Variants in KIRREL3 observed in about 807,000 individuals in gnomAD.
KIRREL3 encodes kin of IRRE-like protein 3.
A neutral mutation model predicts 89.7 loss-of-function variants in KIRREL3; 36 were observed. The observed-to-expected ratio is 0.40, with a 90% CI of 0.31 to 0.53. The LOEUF is 0.53. KIRREL3 is among the 20% of genes least tolerant of loss of function. KIRREL3 has a pLI of 0.49. For synonymous variants in KIRREL3, 445 were observed against 441.4 expected, an observed-to-expected ratio of 1.01 and a Z score of -0.10; for missense variants, 864 against 1,056.6, an observed-to-expected ratio of 0.82 and a Z score of 2.53.
chr11:126,852,933 T>A (rs371288010), intron 1 of KIRREL3, among the ~76,000 whole-genome samples: 1 of 152,288 alleles, frequency 6.6e-6, no homozygotes, highest in African/African-American at 2.4e-5. Context: ...GAGCAGAAGC[T>A]CTTTCTGTGT....
chr11:126,850,691 C>A (rs571268827), intron 1 of KIRREL3, among the ~76,000 whole-genome samples: 64 of 152,266 alleles, frequency 4.2e-4, no homozygotes, highest in Non-Finnish European at 7.8e-4. Context: ...CAAAAGGCAG[C>A]GTTCCAGCCA....
intron 3 of KIRREL3, among the ~76,000 whole-genome samples, chr11:126,524,954 A>G (rs1334167639): frequency 6.6e-6 from 1 of 152,214 alleles, no homozygotes; most frequent in Non-Finnish European, 1.5e-5. Context: ...TTTTATCAGG[A>G]GTTTGAGGTC....
intron 1 of KIRREL3, among the ~76,000 whole-genome samples, chr11:126,895,052 G>T (rs899941127): frequency 6.6e-6 from 1 of 152,150 alleles, no homozygotes; most frequent in African/African-American, 2.4e-5. Context: ...GAAAGACCGG[G>T]CTTTAAAACA....
Position 127,000,627 on chromosome 11 carries a change from T to C in KIRREL3, c.-118A>G. 1 of 1,038,096 alleles carries C rather than the reference T, an allele frequency of 9.6e-7. No individual in the cohort carries two copies. Among genetic ancestry groups the C allele is most frequent in the Non-Finnish European group, 1.4e-6 (1 of 703,842 alleles). 64.3% of individuals were successfully genotyped at this position (1,038,096 alleles called of 1,614,324 possible). ...CTCTCGGGTTCGCGCCTACCATCTG[T>C]CCGTCCGTGGGTCCCTCCGGGTGGC... On this transcript the variant is annotated 5_prime_UTR_variant, in exon 1 of 17. Coordinates refer to ENST00000525144, the MANE Select transcript of KIRREL3 (RefSeq NM_032531.4). The surrounding 1 kb of genome is among the most constrained non-coding windows in gnomAD (Gnocchi z 7.1).
intron 1 of KIRREL3, among the ~76,000 whole-genome samples, chr11:126,726,947 C>T (rs1948409539): frequency 6.6e-6 from 1 of 152,236 alleles, no homozygotes. Flanking sequence ...CTCACTCACA[C>T]AGGGAGGTCA....
At chr11:126,536,416 T>C (rs978536639) in intron 2 of KIRREL3, among the ~76,000 whole-genome samples, 8 of 152,134 alleles carry the variant, frequency 5.3e-5, no homozygotes, top group Non-Finnish European at 1.0e-4. Flanking sequence ...ATTCTGGAAC[T>C]CCACTGTCCC....
At chr11:126,799,328 CTGTG>C (rs1292463108) in intron 1 of KIRREL3, among the ~76,000 whole-genome samples, 2 of 101,690 alleles carry the variant, frequency 2.0e-5, no homozygotes, top group East Asian at 3.3e-4. Flanking sequence ...CTATGTGTAT[CTGTG>C]TGTGTGCATG....
Position 126,562,731 on chromosome 11 carries a change from G to A in KIRREL3, c.133+104C>T, listed in dbSNP as rs1940219818. On this transcript the variant is annotated intron_variant, in intron 2 of 16. Transcript: ENST00000525144. The surrounding 1 kb of genome is among the most constrained non-coding windows in gnomAD (Gnocchi z 4.7). ...ACTGGTCTTCCCACTGTCCCCTTCT[G>A]AGAGGTCCCAGGTTCTTATTCCTGG... 5 of 920,136 alleles carry A rather than the reference G, an allele frequency of 5.4e-6. No homozygotes were observed. The highest frequency in any genetic ancestry group is 5.2e-6 in the Non-Finnish European group (3 of 580,424). 57.0% of individuals were successfully genotyped at this position (920,136 alleles called of 1,614,324 possible).
intron 1 of KIRREL3, among the ~76,000 whole-genome samples, chr11:126,760,004 A>G (rs575882192): frequency 1.3e-5 from 2 of 152,356 alleles, no homozygotes; most frequent in East Asian, 1.9e-4. Context: ...CTACACAGAC[A>G]GAAAGACCTC....
Position 126,876,782 on chromosome 11 carries a change from G to T in KIRREL3, c.55+123673C>A, listed in dbSNP as rs563548547. The stretch of plus-strand genomic sequence containing the variant: ...TTTGAACTCATGACCTGATCTGCCC[G>T]CCTCAGCCTCCCGAAGTGCTAGGAT... On this transcript the variant is annotated intron_variant, in intron 1 of 16. Coordinates refer to ENST00000525144, the MANE Select transcript of KIRREL3 (RefSeq NM_032531.4). This position sits in a 1 kb window ranked among gnomAD's most constrained non-coding sequence, Gnocchi z 4.1. Among the ~76,000 whole-genome samples the T allele has an allele frequency of 1.3e-5, 2 of 152,072 alleles. No individual in the cohort carries two copies. The highest frequency in any genetic ancestry group is 6.5e-5 in the Admixed American group (1 of 15,270).
In KIRREL3 at chr11:126,983,840, C is replaced by T. The variant is rs1266931822; in HGVS notation, c.55+16615G>A. Among the ~76,000 whole-genome samples the T allele has an allele frequency of 2.0e-5, 3 of 152,170 alleles. No homozygotes were observed. Among genetic ancestry groups the T allele is most frequent in the Non-Finnish European group, 4.4e-5 (3 of 68,040 alleles). On this transcript the variant is annotated intron_variant, in intron 1 of 16. Transcript: ENST00000525144. The surrounding 1 kb of genome is among the most constrained non-coding windows in gnomAD (Gnocchi z 4.9). ...TAACAGCAGCACTGGGAAACAAATACACTCCATACATAGCCTTTCTCAACT... is the reference window on the plus strand; with the variant it reads ...TAACAGCAGCACTGGGAAACAAATATACTCCATACATAGCCTTTCTCAACT...
intron 1 of KIRREL3, among the ~76,000 whole-genome samples, chr11:126,798,351 G>T (rs1436442142): frequency 9.2e-6 from 1 of 108,910 alleles, no homozygotes; most frequent in African/African-American, 3.7e-5. Context: ...GATGTTCAGG[G>T]TGCCTCCTGT....
chr11:126,548,414 C>A (rs1938989506), intron 2 of KIRREL3, among the ~76,000 whole-genome samples: 1 of 152,180 alleles, frequency 6.6e-6, no homozygotes, highest in Non-Finnish European at 1.5e-5. Flanking sequence ...GGAGACAACA[C>A]CCTCACCCAG....
chr11:126,574,649 G>A lies in KIRREL3; in HGVS notation c.56-11737C>T, dbSNP rs1565563452. On this transcript the variant is annotated intron_variant, in intron 1 of 16. Transcript: ENST00000525144. The surrounding 1 kb of genome is among the most constrained non-coding windows in gnomAD (Gnocchi z 5.3). ...AATCTAGCAGCCCCACCAGAGCAAA[G>A]GACGAGGGTGGCTGGGATAGTGTGT... Among the ~76,000 whole-genome samples, 1 of 152,182 alleles carries A rather than the reference G, an allele frequency of 6.6e-6. No individual in the cohort carries two copies. The highest frequency in any genetic ancestry group is 1.5e-5 in the Non-Finnish European group (1 of 68,040).
rs543555057 is a variant in KIRREL3 at position 126,642,307 on chromosome 11, C to A, written c.56-79395G>T. On this transcript the variant is annotated intron_variant, in intron 1 of 16. Coordinates refer to ENST00000525144, the MANE Select transcript of KIRREL3 (RefSeq NM_032531.4). This position sits in a 1 kb window ranked among gnomAD's most constrained non-coding sequence, Gnocchi z 4.9. ...TGAGACCAGCAAGAGGCTCTGTTTG[C>A]GCCAAGTCTCCCTGTAAACACTGTG... Among the ~76,000 whole-genome samples, 1 of 152,212 alleles carries A rather than the reference C, an allele frequency of 6.6e-6. No homozygotes were observed. Among genetic ancestry groups the A allele is most frequent in the Non-Finnish European group, 1.5e-5 (1 of 68,044 alleles).
chr11:126,455,732 C>T lies in KIRREL3; in HGVS notation c.848+617G>A, dbSNP rs1956314401. 6.6e-6 allele frequency among the ~76,000 whole-genome samples: 1 copy of T among 152,104 alleles called. No individual in the cohort carries two copies. Among genetic ancestry groups the T allele is most frequent in the African/African-American group, 2.4e-5 (1 of 41,408 alleles). ...AATGGCGTGAACCCAGGAGGCAGAG[C>T]TTGCCAGTGAGCTGAGATCACGCCA... On this transcript the variant is annotated intron_variant, in intron 7 of 16. Coordinates refer to ENST00000525144, the MANE Select transcript of KIRREL3 (RefSeq NM_032531.4). The surrounding 1 kb of genome is among the most constrained non-coding windows in gnomAD (Gnocchi z 6.4).
intron 1 of KIRREL3, among the ~76,000 whole-genome samples, chr11:126,596,206 C>T (rs1942386370): frequency 6.6e-6 from 1 of 152,228 alleles, no homozygotes; most frequent in South Asian, 2.1e-4. Context: ...ATCCAGTGTT[C>T]ATGCCCATGG....
chr11:126,743,200 T>C (rs888515736), intron 1 of KIRREL3, among the ~76,000 whole-genome samples: 1 of 152,092 alleles, frequency 6.6e-6, no homozygotes, highest in Admixed American at 6.6e-5. Flanking sequence ...AAGAGATGAC[T>C]TGGGGATGGG....
rs569461726 is a variant in KIRREL3 at position 126,976,846 on chromosome 11, G to A, written c.55+23609C>T. On this transcript the variant is annotated intron_variant, in intron 1 of 16. Coordinates refer to ENST00000525144, the MANE Select transcript of KIRREL3 (RefSeq NM_032531.4). This position sits in a 1 kb window ranked among gnomAD's most constrained non-coding sequence, Gnocchi z 4.2. Reference sequence around the variant, plus strand: ...AGGTTATTACTTCACGGTGGAGCTAGGCACTTAATCCTTGATCTGGGTGAC... The same window carrying A: ...AGGTTATTACTTCACGGTGGAGCTAAGCACTTAATCCTTGATCTGGGTGAC... Among the ~76,000 whole-genome samples the A allele has an allele frequency of 6.6e-6, 1 of 152,208 alleles. No homozygotes were observed. The highest frequency in any genetic ancestry group is 1.9e-4 in the East Asian group (1 of 5,180).
Sources: gnomAD v4.1 joint callset for allele counts (sites outside exome capture counted in the v4.1 genomes callset) on GRCh38, gnomAD v4.1.1 for gene constraint, Gnocchi (gnomAD v3.1) non-coding constraint, MANE v1.5 for transcripts, NCBI Gene and HGNC (gene_info 2026-07-23, HGNC 2026-07-21) for gene names.